Variants in UBXN4 observed in about 807,000 individuals in gnomAD.
The protein encoded by UBXN4 is UBX domain protein 4.
UBXN4 carries 35 observed loss-of-function variants against 66.2 expected under a neutral mutation model. That is an observed-to-expected ratio of 0.53 (90% CI 0.40 to 0.70). UBXN4 has a LOEUF of 0.70. Ranked by LOEUF, UBXN4 falls within the 30% of genes least tolerant of loss-of-function variation. The pLI is 0.00. For missense variants in UBXN4, 533 were observed against 599.8 expected (o/e 0.89, Z 1.16); for synonymous variants, 203 against 204.5 (o/e 0.99, Z 0.06).
In UBXN4 at chr2:135,780,482, C is replaced by G; in HGVS notation, c.1388+97C>G. On this transcript the variant is annotated intron_variant, in intron 12 of 12. Transcript: ENST00000272638. Reference sequence around the variant, plus strand: ...GAGTACTTTGCCTTTCTGTATATGTCCTCTCCAGTTCCCACGGTGGAGGAG... The same window carrying G: ...GAGTACTTTGCCTTTCTGTATATGTGCTCTCCAGTTCCCACGGTGGAGGAG... The G allele has an allele frequency of 9.8e-6, 11 of 1,120,596 alleles. No individual in the cohort carries two copies. The South Asian group carries it at 1.5e-4, about 15-fold the overall frequency. The allele number at this position is 1,120,596 out of a possible 1,614,324, so 69.4% of individuals were successfully genotyped here. A position where few individuals can be genotyped will look rare whatever the true frequency, so the allele number is the denominator to read the frequency against.
intron 2 of UBXN4, among the ~76,000 whole-genome samples, chr2:135,750,146 AT>A (rs1173410471): frequency 2.0e-5 from 3 of 151,940 alleles, no homozygotes; most frequent in Admixed American, 2.0e-4. Context: ...ATTATTATTT[AT>A]TTTTTTCTTT....
intron 5 of UBXN4, among the ~76,000 whole-genome samples, chr2:135,758,151 C>T (rs111580108): frequency 0.065 from 9,855 of 151,330 alleles, 594 homozygotes; most frequent in African/African-American, 0.15. Flanking sequence ...CTTGGCTCAC[C>T]ACAACCTCCA....
intron 8 of UBXN4, among the ~76,000 whole-genome samples, chr2:135,771,430 G>T (rs2019170): frequency 2.3e-4 from 35 of 152,192 alleles, no homozygotes; most frequent in African/African-American, 7.5e-4. Context: ...AGGCTGACAT[G>T]GTGCCATTGC....
In UBXN4 at chr2:135,766,686, G is replaced by A. The variant is rs185966478; in HGVS notation, c.603-3083G>A. ...TTTGTCCTTTCCATTACTCATATCA[G>A]GAGACAAGTAATATGAGATGTATGC... On this transcript the variant is annotated intron_variant, in intron 6 of 12. Transcript: ENST00000272638. Among the ~76,000 whole-genome samples, 380 of 152,252 alleles carry A rather than the reference G, an allele frequency of 2.5e-3. 2 individuals are homozygous for A. The highest frequency in any genetic ancestry group is 3.8e-3 in the Non-Finnish European group (256 of 68,016).
chr2:135,769,638 AAT>A (rs2077370154), intron 6 of UBXN4, 129 bp from the exon 7 acceptor site: 1 of 644,626 alleles, frequency 1.6e-6, no homozygotes. Context: ...CAGGCAGATA[AAT>A]AGTTGCTTGC....
Position 135,780,387 on chromosome 2 carries a change from T to G in UBXN4, c.1388+2T>G. On this transcript the variant is annotated splice_donor_variant, in intron 12 of 12. Coordinates refer to ENST00000272638, the MANE Select transcript of UBXN4 (RefSeq NM_014607.4). LOFTEE classifies it high-confidence loss of function. ...ATCATCTAGCAAATCAGAAAAAAGG[T>G]ATCTGTGTGTGTTTTCCCCATTTAT... The G allele has an allele frequency of 6.2e-7, 1 of 1,613,166 alleles. No homozygotes were observed. The highest frequency in any genetic ancestry group is 8.5e-7 in the Non-Finnish European group (1 of 1,179,118).
At chr2:135,777,888 A>G (rs548902021) in intron 10 of UBXN4, among the ~76,000 whole-genome samples, 1 of 144,876 alleles carries the variant, frequency 6.9e-6, no homozygotes, top group African/African-American at 2.6e-5. Context: ...ATCTCAAAAA[A>G]AACAACAGGC....
At chr2:135,772,247 A>G (rs2077387641) in intron 8 of UBXN4, among the ~76,000 whole-genome samples, 173 bp from the exon 9 acceptor site, 1 of 152,086 alleles carries the variant, frequency 6.6e-6, no homozygotes, top group Admixed American at 6.6e-5. Flanking sequence ...GCTTGAGCCC[A>G]GGTGTTCAGA....
chr2:135,759,304 A>G (rs918993392), intron 5 of UBXN4, among the ~76,000 whole-genome samples: 6 of 151,934 alleles, frequency 3.9e-5, no homozygotes, highest in Non-Finnish European at 5.9e-5. Context: ...CAACAATACT[A>G]TTATCAAAGC....
chr2:135,769,641 A>T, intron 6 of UBXN4, 128 bp from the exon 7 acceptor site: 1 of 654,436 alleles, frequency 1.5e-6, no homozygotes, highest in Non-Finnish European at 2.3e-6. Context: ...GCAGATAAAT[A>T]GTTGCTTGCT....
At chr2:135,772,292 C>G in intron 8 of UBXN4, 128 bp from the exon 9 acceptor site, 1 of 1,142,032 alleles carries the variant, frequency 8.8e-7, no homozygotes, top group Middle Eastern at 2.7e-4. Context: ...CACTGCACTC[C>G]AGCCTTGATG....
intron 1 of UBXN4, 63 bp downstream of exon 1, chr2:135,742,074 G>C (rs1234506501): frequency 6.4e-6 from 10 of 1,561,788 alleles, no homozygotes; most frequent in Non-Finnish European, 8.7e-6. Context: ...TCATCCTCTT[G>C]TATACCTCAG....
chr2:135,749,149 CTT>C (rs1351518308), intron 2 of UBXN4, among the ~76,000 whole-genome samples: 3 of 152,026 alleles, frequency 2.0e-5, no homozygotes, highest in Non-Finnish European at 4.4e-5. Flanking sequence ...GCTGAAAAAA[CTT>C]TAAGCTTTCC....
intron 6 of UBXN4, among the ~76,000 whole-genome samples, chr2:135,765,648 C>CT (rs368906213): frequency 4.4e-4 from 65 of 147,164 alleles, no homozygotes; most frequent in African/African-American, 8.7e-4. Context: ...TAATTTTTTT[C>CT]TTTTTTTTTT....
chr2:135,775,815 G>A (rs773966488), intron 9 of UBXN4, among the ~76,000 whole-genome samples: 3 of 152,226 alleles, frequency 2.0e-5, no homozygotes, highest in Non-Finnish European at 4.4e-5. Flanking sequence ...TGCCTAGGCT[G>A]GAGTGCGGTG....
chr2:135,744,629 A>T (rs12621298), intron 1 of UBXN4, among the ~76,000 whole-genome samples: 147,868 of 152,156 alleles, frequency 0.97, 71,969 homozygotes, highest in Non-Finnish European at 1. Flanking sequence ...GTTGAGATTT[A>T]TTTTACATCG....
chr2:135,761,298 G>T (rs1439211360), intron 5 of UBXN4, among the ~76,000 whole-genome samples: 1 of 152,232 alleles, frequency 6.6e-6, no homozygotes, highest in Non-Finnish European at 1.5e-5. Context: ...CTGGTCAGCA[G>T]AAGCAGATTC....
chr2:135,772,005 A>C (rs2077386534), intron 8 of UBXN4, among the ~76,000 whole-genome samples: 1 of 152,190 alleles, frequency 6.6e-6, no homozygotes, highest in Non-Finnish European at 1.5e-5. Flanking sequence ...CAGAATGTTA[A>C]AGTTCACATA....
chr2:135,780,595 A>G (rs967033385), intron 12 of UBXN4, among the ~76,000 whole-genome samples: 2 of 152,124 alleles, frequency 1.3e-5, no homozygotes, highest in African/African-American at 4.8e-5. Context: ...TATAAAACCA[A>G]TTTTTTGGAA....
Sources: allele counts gnomAD v4.1 joint callset (sites outside exome capture counted in the v4.1 genomes callset), GRCh38; gene constraint gnomAD v4.1.1; transcripts MANE v1.5; gene names NCBI Gene and HGNC (gene_info 2026-07-23, HGNC 2026-07-21).